Variants in RPL15 observed in about 807,000 individuals in gnomAD.
RPL15 encodes the protein ribosomal protein L15, also known as large ribosomal subunit protein eL15.
For synonymous variants in RPL15, 97 were observed against 95.1 expected, an observed-to-expected ratio of 1.02 and a Z score of -0.12; for missense variants, 161 against 271.8, an observed-to-expected ratio of 0.59 and a Z score of 2.87.
chr3:23,920,754 T>C lies in RPL15; in HGVS notation c.*1253T>C. On this transcript the variant is annotated 3_prime_UTR_variant, in exon 4 of 4. Transcript: ENST00000307839. ...CATAAAAGTTCTTGAGACCTAAATT[T>C]CTTCACAAAAAAAGAAAAGATCTTA... The C allele has an allele frequency of 3.1e-6, 3 of 975,086 alleles. No individual in the cohort carries two copies. The highest frequency in any genetic ancestry group is 3.7e-6 in the Non-Finnish European group (3 of 820,482). The allele number at this position is 975,086 out of a possible 1,614,324, so 60.4% of individuals were successfully genotyped here.
rs1253962804 is a variant in RPL15 at position 23,919,903 on chromosome 3, T to G, written c.*402T>G. 1.0e-5 allele frequency: 10 copies of G among 992,816 alleles called. No individual in the cohort carries two copies. The highest frequency in any genetic ancestry group is 1.2e-5 in the Non-Finnish European group (10 of 834,812). 61.5% of individuals were successfully genotyped at this position (992,816 alleles called of 1,614,324 possible). ...TTCAAGTGGCTGCGTTTTTTTTAGT[T>G]TGGCAGGTGTAGACTTTTTAAGTTG... is the stretch of plus-strand genomic sequence containing the variant. On this transcript the variant is annotated 3_prime_UTR_variant, in exon 4 of 4. Coordinates refer to ENST00000307839, the MANE Select transcript of RPL15 (RefSeq NM_002948.5).
At chr3:23,918,663 G>C in intron 3 of RPL15, 87 bp downstream of exon 3, 2 of 1,466,294 alleles carry the variant, frequency 1.4e-6, no homozygotes, top group South Asian at 2.5e-5. Context: ...ATTGTACTTA[G>C]GTGAGCTGTC....
At chr3:23,917,611 G>T (rs1307590038) in intron 1 of RPL15, 2 of 456,300 alleles carry the variant, frequency 4.4e-6, no homozygotes, top group Non-Finnish European at 7.8e-6. Context: ...TTCTGGTTCT[G>T]TTAATTCGCC....
In RPL15 at chr3:23,918,420, T is replaced by A. The variant is rs1704823817; in HGVS notation, c.173-20T>A. ...ACGGCTTCCTATAAAATCACTAATTTCGTGTGTGTTTGTGTGTAGGTTACG... is the reference window on the plus strand; with the variant it reads ...ACGGCTTCCTATAAAATCACTAATTACGTGTGTGTTTGTGTGTAGGTTACG... On this transcript the variant is annotated intron_variant, in intron 2 of 3. Coordinates refer to ENST00000307839, the MANE Select transcript of RPL15 (RefSeq NM_002948.5). 2.5e-6 allele frequency: 4 copies of A among 1,608,568 alleles called. No individual in the cohort carries two copies. Among genetic ancestry groups the A allele is most frequent in the Non-Finnish European group, 3.4e-6 (4 of 1,178,336 alleles).
At position 23,918,449 on chromosome 3, in the gene RPL15, T is replaced by C. The variant is rs1443997882; in HGVS notation, c.182T>C (p.Ile61Thr). ...LGYKAKQGYVIYRIRVRRGGR... is the reference protein window; with the variant it reads ...LGYKAKQGYVTYRIRVRRGGR... ...GTGTGTTTGTGTGTAGGTTACGTTA[T>C]ATATAGGATTCGTGTTCGCCGTGGT... is the stretch of plus-strand genomic sequence containing the variant. Residue 61 changes from isoleucine to threonine, a missense_variant, in exon 3 of 4, where the codon ATA becomes ACA. By Grantham distance (89) the Ile-to-Thr change is moderately conservative. Transcript: ENST00000307839. The C allele has an allele frequency of 1.2e-6, 2 of 1,612,540 alleles. No homozygotes were observed. The highest frequency in any genetic ancestry group is 1.7e-6 in the Non-Finnish European group (2 of 1,179,794).
At position 23,919,522 on chromosome 3, in the gene RPL15, T is replaced by A; in HGVS notation, c.*21T>A. On this transcript the variant is annotated 3_prime_UTR_variant, in exon 4 of 4. Coordinates refer to ENST00000307839, the MANE Select transcript of RPL15 (RefSeq NM_002948.5). ...GCTAATATAAGTAAAGTTTGTAAAA[T>A]TCATACTTAATAAACAATTTAGGAC... The A allele has an allele frequency of 6.5e-7, 1 of 1,535,716 alleles. No individual in the cohort carries two copies.
rs1316110336 is a variant in RPL15, at chr3:23,920,966, G to A, written c.*1465G>A. 1.2e-5 allele frequency: 2 copies of A among 161,920 alleles called. No individual in the cohort carries two copies. Among genetic ancestry groups the A allele is most frequent in the African/African-American group, 4.8e-5 (2 of 41,578 alleles). The allele number at this position is 161,920 out of a possible 1,614,324, so 10.0% of individuals were successfully genotyped here. A position where few individuals can be genotyped will look rare whatever the true frequency, so the allele number is the denominator to read the frequency against. The stretch of plus-strand genomic sequence containing the variant: ...TATAGAAATAATATAATTTGAGATA[G>A]CATAAAATGTACTTATTCTCTCAGT... On this transcript the variant is annotated 3_prime_UTR_variant, in exon 4 of 4. Coordinates refer to ENST00000307839, the MANE Select transcript of RPL15 (RefSeq NM_002948.5).
At chr3:23,918,675 C>A in intron 3 of RPL15, 99 bp downstream of exon 3, 1 of 1,377,980 alleles carries the variant, frequency 7.3e-7, no homozygotes, top group Non-Finnish European at 9.8e-7. Flanking sequence ...TGAGCTGTCT[C>A]GTATATAAAA....
At chr3:23,921,459 A>G, downstream of RPL15, 1 of 615,652 alleles carries the variant, frequency 1.6e-6, no homozygotes, top group Admixed American at 2.9e-5. Context: ...GCTTTACTCC[A>G]ATATTAAGGG....
At chr3:23,919,013 T>C (rs2125255273) in intron 3 of RPL15, 183 bp from the exon 4 acceptor site, 1 of 607,292 alleles carries the variant, frequency 1.6e-6, no homozygotes, top group South Asian at 2.0e-5. Context: ...ATGTGTGTTG[T>C]TTTAGCAAGT....
chr3:23,921,422 A>T (rs533067967), downstream of RPL15, among the ~76,000 whole-genome samples: 1 of 152,290 alleles, frequency 6.6e-6, no homozygotes, highest in East Asian at 1.9e-4. Context: ...TACACCAAAC[A>T]CTTCCTAATG....
chr3:23,918,259 C>T, intron 2 of RPL15, 181 bp from the exon 3 acceptor site: 1 of 893,836 alleles, frequency 1.1e-6, no homozygotes, highest in Non-Finnish European at 1.7e-6. Flanking sequence ...AAACAGTGTG[C>T]CTCCCTGTGT....
intron 3 of RPL15, 82 bp downstream of exon 3, chr3:23,918,658 A>G: frequency 1.3e-6 from 2 of 1,491,008 alleles, no homozygotes; most frequent in Non-Finnish European, 1.8e-6. Context: ...TTCTGATTGT[A>G]CTTAGGTGAG....
At chr3:23,921,664 T>C, downstream of RPL15, 1 of 650,690 alleles carries the variant, frequency 1.5e-6, no homozygotes, top group South Asian at 1.6e-5. Flanking sequence ...AACCTCTGTC[T>C]CCCGGGTTTG....
rs1705022614 is a variant in RPL15, at chr3:23,920,563, G to C, written c.*1062G>C. 1 of 985,154 alleles carries C rather than the reference G, an allele frequency of 1.0e-6. No individual in the cohort carries two copies. The highest frequency in any genetic ancestry group is 1.2e-6 in the Non-Finnish European group (1 of 829,854). The allele number at this position is 985,154 out of a possible 1,614,324, so 61.0% of individuals were successfully genotyped here. A position where few individuals can be genotyped will look rare whatever the true frequency, so the allele number is the denominator to read the frequency against. On this transcript the variant is annotated 3_prime_UTR_variant, in exon 4 of 4. Transcript: ENST00000307839. ...AGGAGACTAGACTACTGTTGTCCAGGGTCAATTTGAGTGTAAAGAAAATGT... is the reference window on the plus strand; with the variant it reads ...AGGAGACTAGACTACTGTTGTCCAGCGTCAATTTGAGTGTAAAGAAAATGT...
chr3:23,918,129 C>A, intron 2 of RPL15, 98 bp downstream of exon 2: 1 of 1,428,032 alleles, frequency 7.0e-7, no homozygotes, highest in Non-Finnish European at 9.4e-7. Flanking sequence ...TGTCTTTCTT[C>A]GCATAGGGCT....
chr3:23,919,192 C>G lies in RPL15; in HGVS notation c.310-4C>G, dbSNP rs1358191044. 5 of 1,610,298 alleles carry G rather than the reference C, an allele frequency of 3.1e-6. No homozygotes were observed. In the East Asian group the frequency reaches 8.9e-5, roughly 29 times the overall value. Reference sequence around the variant, plus strand: ...TTGACCTTGGGCCTTTTTTCCTATTCTAGGAGCGAGCTGGACGCCACTGTG... The same window carrying G: ...TTGACCTTGGGCCTTTTTTCCTATTGTAGGAGCGAGCTGGACGCCACTGTG... On this transcript the variant is annotated splice_polypyrimidine_tract_variant and splice_region_variant and intron_variant, in intron 3 of 3. Transcript: ENST00000307839.
downstream of RPL15, chr3:23,924,007 G>A (rs560457712): frequency 6.6e-6 from 1 of 152,264 alleles, no homozygotes; most frequent in East Asian, 1.9e-4. Context: ...CATTTAGGTT[G>A]GGGTCATATT....
chr3:23,918,904 GAT>G, intron 3 of RPL15: 1 of 518,886 alleles, frequency 1.9e-6, no homozygotes, highest in Non-Finnish European at 3.4e-6. Flanking sequence ...TATGGAAAAA[GAT>G]AAGGTCCCCA....
Sources: gnomAD v4.1 joint callset for allele counts (sites outside exome capture counted in the v4.1 genomes callset) on GRCh38, gnomAD v4.1.1 for gene constraint, MANE v1.5 for transcripts, NCBI Gene and HGNC (gene_info 2026-07-23, HGNC 2026-07-21) for gene names.